Variants in GARIN2 observed in about 807,000 individuals in gnomAD.
The protein encoded by GARIN2 is Golgi-associated RAB2 interactor protein 2.
the GARIN2 span, among the ~76,000 whole-genome samples, chr14:67,193,180 A>G: frequency 7.1e-6 from 1 of 140,192 alleles, no homozygotes; most frequent in African/African-American, 2.6e-5. Context: ...ATATATCTCT[A>G]TATAGACATC....
the GARIN2 span, among the ~76,000 whole-genome samples, chr14:67,221,548 C>G: frequency 6.6e-6 from 1 of 152,202 alleles, no homozygotes; most frequent in Non-Finnish European, 1.5e-5. Context: ...TTATTACGTA[C>G]AATAAACTTT....
the GARIN2 span, chr14:67,223,760 T>C: frequency 2.0e-6 from 2 of 985,124 alleles, no homozygotes; most frequent in South Asian, 9.4e-5. Context: ...TAGGCTTGTA[T>C]AGTTTTTCAG....
the GARIN2 span, among the ~76,000 whole-genome samples, chr14:67,227,060 A>G: frequency 1.3e-5 from 2 of 152,240 alleles, no homozygotes; most frequent in Non-Finnish European, 2.9e-5. Context: ...CAAAATTTCA[A>G]ATATTAGGGT....
At chr14:67,203,898 G>T in the GARIN2 span, among the ~76,000 whole-genome samples, 1 of 152,214 alleles carries the variant, frequency 6.6e-6, no homozygotes, top group Non-Finnish European at 1.5e-5. Flanking sequence ...TTTCAGTAGA[G>T]ACAGAGTTTC....
chr14:67,206,930 AT>A, the GARIN2 span, among the ~76,000 whole-genome samples: 1 of 152,040 alleles, frequency 6.6e-6, no homozygotes, highest in Non-Finnish European at 1.5e-5. Context: ...GGGTTTCTCC[AT>A]GTTGCCCAAG....
At chr14:67,220,913 T>G in the GARIN2 span, among the ~76,000 whole-genome samples, 1 of 152,230 alleles carries the variant, frequency 6.6e-6, no homozygotes, top group African/African-American at 2.4e-5. Flanking sequence ...TGGACCACAA[T>G]TATGTCTTTG....
the GARIN2 span, among the ~76,000 whole-genome samples, chr14:67,211,881 T>C: frequency 6.6e-6 from 1 of 152,132 alleles, no homozygotes; most frequent in Non-Finnish European, 1.5e-5. Flanking sequence ...TATATATTGA[T>C]AAAAAACAGA....
the GARIN2 span, chr14:67,205,190 T>C: frequency 7.5e-6 from 9 of 1,207,184 alleles, no homozygotes; most frequent in African/African-American, 1.2e-4. Flanking sequence ...CAAAATGCTA[T>C]GGAACCTACC....
the GARIN2 span, among the ~76,000 whole-genome samples, chr14:67,217,722 TTTTAATCTTAAGAG>T: frequency 2.6e-5 from 4 of 152,176 alleles, no homozygotes; most frequent in South Asian, 2.1e-4. Flanking sequence ...CTGTAAAAGA[TTTTAATCTTAAGAG>T]TTTAATCTTA....
the GARIN2 span, among the ~76,000 whole-genome samples, chr14:67,216,235 G>C: frequency 6.6e-6 from 1 of 152,004 alleles, no homozygotes; most frequent in Non-Finnish European, 1.5e-5. Flanking sequence ...TGTGGATTTT[G>C]TTTTCTTGAG....
chr14:67,225,318 TCA>T, the GARIN2 span: 3 of 1,280,472 alleles, frequency 2.3e-6, no homozygotes, highest in African/African-American at 4.6e-5. Context: ...TATGATACTG[TCA>T]CACAAAAAAG....
chr14:67,226,014 A>C, the GARIN2 span, among the ~76,000 whole-genome samples: 1 of 151,002 alleles, frequency 6.6e-6, no homozygotes, highest in South Asian at 2.1e-4. Flanking sequence ...CTGAGTTCAC[A>C]GTATTGAAGG....
chr14:67,224,259 C>CTTTTTTTTTT, the GARIN2 span, among the ~76,000 whole-genome samples: 1 of 134,800 alleles, frequency 7.4e-6, no homozygotes, highest in Admixed American at 7.5e-5. Flanking sequence ...TCTCTCTTTT[C>CTTTTTTTTTT]TTTTTTTTTT....
chr14:67,203,035 A>G, the GARIN2 span: 2 of 1,549,902 alleles, frequency 1.3e-6, no homozygotes, highest in African/African-American at 1.4e-5. Flanking sequence ...TCAGGCAAGC[A>G]AGGTTGTCAA....
At chr14:67,214,205 A>T in the GARIN2 span, among the ~76,000 whole-genome samples, 1 of 152,100 alleles carries the variant, frequency 6.6e-6, no homozygotes. Context: ...TTTTGTTGCC[A>T]TTGCTTTTGG....
At chr14:67,221,691 T>C in the GARIN2 span, 2 of 1,558,448 alleles carry the variant, frequency 1.3e-6, no homozygotes. Context: ...ATTTAAAGAA[T>C]GACCGGTTAT....
the GARIN2 span, chr14:67,201,841 A>AG: frequency 4.9e-6 from 1 of 204,106 alleles, no homozygotes; most frequent in Non-Finnish European, 1.0e-5. Flanking sequence ...ACTACAGTGT[A>AG]GCTCCTCTCT....
At chr14:67,216,842 C>G in the GARIN2 span, among the ~76,000 whole-genome samples, 1 of 152,086 alleles carries the variant, frequency 6.6e-6, no homozygotes, top group African/African-American at 2.4e-5. Context: ...TATAGTCAAT[C>G]CTGGAGAATA....
the GARIN2 span, among the ~76,000 whole-genome samples, chr14:67,224,192 A>G: frequency 6.6e-6 from 1 of 151,896 alleles, no homozygotes; most frequent in African/African-American, 2.4e-5. Context: ...TTTTATGACA[A>G]CTTTATGCAT....
Sources: allele counts gnomAD v4.1 joint callset (sites outside exome capture counted in the v4.1 genomes callset), GRCh38; gene constraint gnomAD v4.1.1; transcripts MANE v1.5; gene names NCBI Gene and HGNC (gene_info 2026-07-23, HGNC 2026-07-21).